Variants in ATP2B4 observed in about 807,000 individuals in gnomAD.
ATP2B4 encodes the protein plasma membrane calcium-transporting ATPase 4.
A neutral mutation model predicts 110.3 loss-of-function variants in ATP2B4; 39 were observed. That is an observed-to-expected ratio of 0.35 (90% confidence interval 0.27 to 0.46). ATP2B4 has a LOEUF of 0.46. Ranked by LOEUF, ATP2B4 falls within the 20% of genes least tolerant of loss-of-function variation. ATP2B4 has a pLI of 1.00. For missense variants in ATP2B4, 1,135 were observed against 1,530.9 expected (o/e 0.74, Z 4.32); for synonymous variants, 538 against 571.7 (o/e 0.94, Z 0.84).
At position 203,674,564 on chromosome 1, in the gene ATP2B4, C is replaced by T. The variant is rs1353002598; in HGVS notation, c.-464-8178C>T. Among the ~76,000 whole-genome samples, 6 of 151,766 alleles carry T rather than the reference C, an allele frequency of 4.0e-5. No homozygotes were observed. In the East Asian group the frequency reaches 1.2e-3, roughly 29 times the overall value. ...TCTCAGCTCACTGCAACCTCTGCCTCCAAGGTTCAAGTGATTCTCCTGTCT... is the reference window on the plus strand; with the variant it reads ...TCTCAGCTCACTGCAACCTCTGCCTTCAAGGTTCAAGTGATTCTCCTGTCT... On this transcript the variant is annotated intron_variant, in intron 1 of 20. Coordinates refer to ENST00000357681, the MANE Select transcript of ATP2B4 (RefSeq NM_001684.5).
intron 1 of ATP2B4, among the ~76,000 whole-genome samples, chr1:203,631,443 A>G (rs899567180): frequency 6.6e-6 from 1 of 152,142 alleles, no homozygotes; most frequent in Non-Finnish European, 1.5e-5. Context: ...TGGCAAAGGG[A>G]GTTTGGAGCA....
intron 20 of ATP2B4, chr1:203,729,544 C>CA (rs5780193): frequency 0.2 from 67,650 of 340,232 alleles, 4,628 homozygotes; most frequent in Admixed American, 0.32. Flanking sequence ...GACTCTGTCT[C>CA]AAAAAAAAAA....
At chr1:203,724,946 G>A (rs572667790) in intron 19 of ATP2B4, among the ~76,000 whole-genome samples, 258 of 142,488 alleles carry the variant, frequency 1.8e-3, no homozygotes, top group African/African-American at 6.5e-3. Context: ...GTGTGATCTC[G>A]GCTCACTGCA....
chr1:203,701,907 C>T lies in ATP2B4; in HGVS notation c.902-137C>T, dbSNP rs1665703812. On this transcript the variant is annotated intron_variant, in intron 6 of 20. Coordinates refer to ENST00000357681, the MANE Select transcript of ATP2B4 (RefSeq NM_001684.5). Reference sequence around the variant, plus strand: ...GAATGAAAACAGAGATGTGAGCTTCCTTTACATTTATGTCCCTTCCCTGCA... The same window carrying T: ...GAATGAAAACAGAGATGTGAGCTTCTTTTACATTTATGTCCCTTCCCTGCA... 1.1e-5 allele frequency: 9 copies of T among 804,352 alleles called. No individual in the cohort carries two copies. The East Asian group carries it at 2.4e-4, about 21-fold the overall frequency. The allele number at this position is 804,352 out of a possible 1,614,324, so 49.8% of individuals were successfully genotyped here.
chr1:203,668,096 G>T (rs1224216907), intron 1 of ATP2B4, among the ~76,000 whole-genome samples: 1 of 152,176 alleles, frequency 6.6e-6, no homozygotes, highest in Non-Finnish European at 1.5e-5. Context: ...AAAGAGAGAA[G>T]AAAGCAGCCT....
chr1:203,644,350 C>T (rs1663728003), intron 1 of ATP2B4, among the ~76,000 whole-genome samples: 1 of 151,822 alleles, frequency 6.6e-6, no homozygotes, highest in Non-Finnish European at 1.5e-5. Context: ...ACTTTACCTT[C>T]TTCCTTCCCA....
chr1:203,700,089 T>C, intron 4 of ATP2B4, 117 bp from the exon 5 acceptor site: 1 of 1,251,880 alleles, frequency 8.0e-7, no homozygotes, highest in Non-Finnish European at 1.1e-6. Context: ...GCCATTGCTG[T>C]CTAGATAGGG....
Position 203,657,403 on chromosome 1 carries a change from C to T in ATP2B4, c.-464-25339C>T, listed in dbSNP as rs1571688887. The T allele has an allele frequency of 1.2e-5, 9 of 755,016 alleles. No homozygotes were observed. The East Asian group carries it at 2.2e-4, about 18-fold the overall frequency. The allele number at this position is 755,016 out of a possible 1,614,324, so 46.8% of individuals were successfully genotyped here. ...TTAGTCAGAGGGACTTCCCGTTTTCCCACCTTCTCTTTTCATTTCTGTTTA... is the reference window on the plus strand; with the variant it reads ...TTAGTCAGAGGGACTTCCCGTTTTCTCACCTTCTCTTTTCATTTCTGTTTA... On this transcript the variant is annotated intron_variant, in intron 1 of 20. Transcript: ENST00000357681.
rs923937605 is a variant in ATP2B4, at chr1:203,675,706, G to A, written c.-464-7036G>A. Among the ~76,000 whole-genome samples, 4 of 152,284 alleles carry A rather than the reference G, an allele frequency of 2.6e-5. No homozygotes were observed. In the East Asian group the frequency reaches 7.7e-4, roughly 29 times the overall value. Reference sequence around the variant, plus strand: ...GTCAGAGTAGCAGACTTGGAGAGGGGGAAGTAAGTGAGGGAGGCCCGTGGA... The same window carrying A: ...GTCAGAGTAGCAGACTTGGAGAGGGAGAAGTAAGTGAGGGAGGCCCGTGGA... On this transcript the variant is annotated intron_variant, in intron 1 of 20. Coordinates refer to ENST00000357681, the MANE Select transcript of ATP2B4 (RefSeq NM_001684.5).
chr1:203,657,696 T>C (rs967533033), intron 1 of ATP2B4: 37 of 760,778 alleles, frequency 4.9e-5, no homozygotes, highest in Middle Eastern at 3.7e-4. Flanking sequence ...TCTTTTCTTC[T>C]CATGGTAATC....
At chr1:203,691,109 T>G (rs1665360488) in intron 2 of ATP2B4, among the ~76,000 whole-genome samples, 1 of 152,164 alleles carries the variant, frequency 6.6e-6, no homozygotes, top group African/African-American at 2.4e-5. Context: ...GTCAGAGGGA[T>G]CTTCACGAGG....
chr1:203,707,504 T>C (rs949049571), intron 9 of ATP2B4, among the ~76,000 whole-genome samples: 2 of 151,704 alleles, frequency 1.3e-5, no homozygotes, highest in Non-Finnish European at 2.9e-5. Flanking sequence ...TGGAATGCAA[T>C]GATGCAACCT....
chr1:203,691,479 CTT>C (rs1214595494), intron 2 of ATP2B4, among the ~76,000 whole-genome samples: 1 of 152,078 alleles, frequency 6.6e-6, no homozygotes, highest in Non-Finnish European at 1.5e-5. Flanking sequence ...TCTAGGGAGA[CTT>C]TTTTCCCTGG....
rs927942556 is a variant in ATP2B4, at chr1:203,709,550, C to A, written c.1799+8C>A. The A allele has an allele frequency of 8.7e-6, 14 of 1,613,824 alleles. No homozygotes were observed. Among genetic ancestry groups the A allele is most frequent in the African/African-American group, 1.3e-5 (1 of 74,926 alleles). On this transcript the variant is annotated splice_region_variant and intron_variant, in intron 11 of 20. Coordinates refer to ENST00000357681, the MANE Select transcript of ATP2B4 (RefSeq NM_001684.5). The stretch of plus-strand genomic sequence containing the variant: ...TGAGATCATCTTGCGCAAGTGAGCA[C>A]CCCCGACCACTCTGCTTCCCTTCAA...
chr1:203,628,606 G>T (rs1663162617), intron 1 of ATP2B4, among the ~76,000 whole-genome samples: 1 of 152,164 alleles, frequency 6.6e-6, no homozygotes, highest in African/African-American at 2.4e-5. Flanking sequence ...GAGGAGTCTG[G>T]CAGGGAGTCT....
intron 20 of ATP2B4, among the ~76,000 whole-genome samples, chr1:203,735,812 C>G (rs1352817215): frequency 2.0e-5 from 3 of 152,126 alleles, no homozygotes; most frequent in Admixed American, 2.0e-4. Context: ...AGCTTCTGTT[C>G]TGTTTTAATC....
intron 1 of ATP2B4, among the ~76,000 whole-genome samples, chr1:203,660,220 G>A (rs1352200394): frequency 6.6e-6 from 1 of 152,002 alleles, no homozygotes; most frequent in Non-Finnish European, 1.5e-5. Flanking sequence ...TCTCTCTAAT[G>A]CCAAAACATC....
chr1:203,700,955 C>T (rs1160647028), intron 6 of ATP2B4, 32 bp downstream of exon 6: 2 of 1,601,440 alleles, frequency 1.2e-6, no homozygotes, highest in East Asian at 4.5e-5. Flanking sequence ...ATTCTCTTTC[C>T]TCTCATCCCC....
At chr1:203,667,779 C>G (rs1237096055) in intron 1 of ATP2B4, among the ~76,000 whole-genome samples, 2 of 152,332 alleles carry the variant, frequency 1.3e-5, no homozygotes, top group Admixed American at 6.5e-5. Context: ...AGACAGCAGC[C>G]TGGCGTGTCC....
Sources: allele counts gnomAD v4.1 joint callset (sites outside exome capture counted in the v4.1 genomes callset), GRCh38; gene constraint gnomAD v4.1.1; transcripts MANE v1.5; gene names NCBI Gene and HGNC (gene_info 2026-07-23, HGNC 2026-07-21).